MACROD2: variants seen among roughly 807,000 people sequenced by gnomAD.
MACROD2 encodes the protein mono-ADP ribosylhydrolase 2.
In MACROD2, 36 loss-of-function variants were observed where a neutral mutation model predicts 70.4. The ratio of observed to expected loss-of-function variants is 0.51; its 90% CI spans 0.39 to 0.68. MACROD2 has a LOEUF of 0.68. Ranked by LOEUF, MACROD2 falls within the 30% of genes least tolerant of loss-of-function variation. The pLI, the probability that MACROD2 is intolerant of heterozygous loss-of-function variation, is 0.00. For synonymous variants in MACROD2, 172 were observed against 178.8 expected (o/e 0.96, Z 0.30); for missense variants, 496 against 538.4 (o/e 0.92, Z 0.78).
intron 8 of MACROD2, among the ~76,000 whole-genome samples, chr20:15,523,277 A>G (rs1183149560): frequency 2.0e-5 from 3 of 152,222 alleles, no homozygotes; most frequent in Admixed American, 2.0e-4. Context: ...CGTGGCAGAT[A>G]ATTTGGGTTG....
chr20:15,002,602 A>C (rs192123570), intron 5 of MACROD2, among the ~76,000 whole-genome samples: 1 of 152,244 alleles, frequency 6.6e-6, no homozygotes, highest in African/African-American at 2.4e-5. Flanking sequence ...GTGGGGAAAA[A>C]GTTAGTTTTA....
intron 3 of MACROD2, among the ~76,000 whole-genome samples, chr20:14,174,884 A>G (rs1278661545): frequency 6.6e-6 from 1 of 151,774 alleles, no homozygotes. Flanking sequence ...GTTGTATTTC[A>G]CTCAGTTCTC....
intron 3 of MACROD2, among the ~76,000 whole-genome samples, chr20:14,150,426 A>G (rs951371427): frequency 6.6e-6 from 1 of 152,164 alleles, no homozygotes; most frequent in African/African-American, 2.4e-5. Flanking sequence ...AGTCTGTGCT[A>G]TTGTTATAGT....
At chr20:15,609,052 T>C (rs2048931246) in intron 8 of MACROD2, among the ~76,000 whole-genome samples, 1 of 152,150 alleles carries the variant, frequency 6.6e-6, no homozygotes, top group Non-Finnish European at 1.5e-5. Flanking sequence ...TGCTGTTCTT[T>C]CACCTGCTCT....
chr20:15,013,054 G>T (rs2075095088), intron 5 of MACROD2, among the ~76,000 whole-genome samples: 1 of 152,142 alleles, frequency 6.6e-6, no homozygotes, highest in African/African-American at 2.4e-5. Context: ...ACAACATTTT[G>T]GGGGCATCTA....
chr20:14,764,840 AT>A (rs886426668), intron 5 of MACROD2, among the ~76,000 whole-genome samples: 6 of 151,736 alleles, frequency 4.0e-5, no homozygotes, highest in African/African-American at 1.2e-4. Flanking sequence ...TTTGATATTT[AT>A]TTTTTTTCTC....
intron 3 of MACROD2, among the ~76,000 whole-genome samples, chr20:14,167,939 CA>C (rs911465534): frequency 6.6e-6 from 1 of 151,962 alleles, no homozygotes; most frequent in Non-Finnish European, 1.5e-5. Flanking sequence ...GTTGATAAAG[CA>C]AAAAAATTAA....
At chr20:15,466,970 C>G (rs1022940820) in intron 7 of MACROD2, among the ~76,000 whole-genome samples, 2 of 152,214 alleles carry the variant, frequency 1.3e-5, no homozygotes, top group African/African-American at 2.4e-5. Flanking sequence ...TGCAAATGCA[C>G]TGGGTGCTGA....
rs376323551 is a variant in MACROD2, at chr20:15,642,763, TTGTGTGTGTGTA to T, written c.645+142935_645+142946del. ...TCTCTATCCTGTCTTCTGTGTGTGT[TTGTGTGTGTGTA>T]TGTGTGTGTGTATGTGTGCACACTC... On this transcript the variant is annotated intron_variant, in intron 8 of 17. Coordinates refer to ENST00000684519, the MANE Select transcript of MACROD2 (RefSeq NM_001351661.2). Among the ~76,000 whole-genome samples the T allele has an allele frequency of 9.1e-3, 1,391 of 152,108 alleles. 16 individuals are homozygous for T. Among genetic ancestry groups the T allele is most frequent in the African/African-American group, 0.026 (1,091 of 41,508 alleles).
intron 5 of MACROD2, among the ~76,000 whole-genome samples, chr20:14,949,368 T>C (rs1363703954): frequency 2.0e-5 from 3 of 152,178 alleles, no homozygotes; most frequent in Non-Finnish European, 4.4e-5. Flanking sequence ...ATTTTAGCAA[T>C]TGCAAAGCTT....
intron 5 of MACROD2, among the ~76,000 whole-genome samples, chr20:15,148,658 A>G (rs2076247635): frequency 6.6e-6 from 1 of 152,000 alleles, no homozygotes; most frequent in East Asian, 1.9e-4. Context: ...GGTGTCTGGG[A>G]TGAGACTGGG....
chr20:15,119,530 T>C (rs2076015814), intron 5 of MACROD2, among the ~76,000 whole-genome samples: 1 of 152,086 alleles, frequency 6.6e-6, no homozygotes, highest in African/African-American at 2.4e-5. Context: ...CTCACTTCAA[T>C]TCAACTGCAT....
intron 8 of MACROD2, among the ~76,000 whole-genome samples, chr20:15,535,211 A>G (rs1255710198): frequency 2.6e-5 from 4 of 152,120 alleles, no homozygotes; most frequent in Admixed American, 2.6e-4. Flanking sequence ...TTGCTTTTTA[A>G]GCAGTCCTCC....
intron 10 of MACROD2, among the ~76,000 whole-genome samples, chr20:15,917,922 A>G (rs962005425): frequency 6.6e-6 from 1 of 152,076 alleles, no homozygotes; most frequent in Non-Finnish European, 1.5e-5. Flanking sequence ...GTAGCCCCAG[A>G]TAAGTAGTGC....
At chr20:14,163,399 T>C (rs1467873190) in intron 3 of MACROD2, among the ~76,000 whole-genome samples, 2 of 152,154 alleles carry the variant, frequency 1.3e-5, no homozygotes, top group Non-Finnish European at 2.9e-5. Context: ...TCTTTGACTT[T>C]TGACAGTTTG....
intron 15 of MACROD2, among the ~76,000 whole-genome samples, chr20:16,035,734 A>C (rs542953180): frequency 9.2e-5 from 14 of 151,910 alleles, no homozygotes; most frequent in Non-Finnish European, 1.6e-4. Context: ...TCTTTTGCTC[A>C]TGGATATTAG....
intron 5 of MACROD2, among the ~76,000 whole-genome samples, chr20:15,182,005 G>A (rs1323041645): frequency 6.6e-6 from 1 of 151,984 alleles, no homozygotes; most frequent in Non-Finnish European, 1.5e-5. Flanking sequence ...AAAATAGGTG[G>A]TCAGATCATA....
At chr20:14,396,710 G>A (rs2083583335) in intron 3 of MACROD2, among the ~76,000 whole-genome samples, 1 of 151,906 alleles carries the variant, frequency 6.6e-6, no homozygotes, top group Admixed American at 6.6e-5. Context: ...CGGATTACGA[G>A]GTCAGGAGAT....
chr20:14,046,541 T>C (rs1203853934), intron 2 of MACROD2, among the ~76,000 whole-genome samples: 2 of 152,124 alleles, frequency 1.3e-5, no homozygotes, highest in African/African-American at 4.8e-5. Context: ...ATTCTACCTA[T>C]GCATACATAT....
Sources: gnomAD v4.1 joint callset for allele counts (sites outside exome capture counted in the v4.1 genomes callset) on GRCh38, gnomAD v4.1.1 for gene constraint, MANE v1.5 for transcripts, NCBI Gene and HGNC (gene_info 2026-07-23, HGNC 2026-07-21) for gene names.